Variants in CIAO2A observed in about 807,000 individuals in gnomAD.
CIAO2A encodes MIP18 family protein FAM96A.
CIAO2A carries 17 observed loss-of-function variants against 22.4 expected under a neutral mutation model. The ratio of observed to expected loss-of-function variants is 0.76; its 90% confidence interval spans 0.52 to 1.14. CIAO2A has a LOEUF of 1.14. Among genes scored for constraint, CIAO2A ranks in the 50% most tolerant of loss-of-function variants. CIAO2A has a pLI of 0.00. For missense variants in CIAO2A, 192 were observed against 191.4 expected, an observed-to-expected ratio of 1.00 and a Z score of -0.02; for synonymous variants, 74 against 72.3, an observed-to-expected ratio of 1.02 and a Z score of -0.12.
intron 1 of CIAO2A, among the ~76,000 whole-genome samples, chr15:64,093,408 T>C (rs927453675): frequency 2.0e-5 from 3 of 152,018 alleles, no homozygotes; most frequent in Non-Finnish European, 2.9e-5. Flanking sequence ...TGGGTTCGGC[T>C]TGCCCCAGGT....
intron 4 of CIAO2A, among the ~76,000 whole-genome samples, chr15:64,073,552 C>T (rs977376077): frequency 6.6e-6 from 1 of 152,148 alleles, no homozygotes; most frequent in African/African-American, 2.4e-5. Flanking sequence ...ATATTGTCAA[C>T]ACCAATACAT....
chr15:64,079,459 G>C (rs1046216382), intron 3 of CIAO2A, among the ~76,000 whole-genome samples: 1 of 152,204 alleles, frequency 6.6e-6, no homozygotes, highest in African/African-American at 2.4e-5. Context: ...CTCGGAGATA[G>C]AGGCTGCAGT....
chr15:64,081,534 C>CTTT lies in CIAO2A; in HGVS notation c.290-384_290-383insAAA, dbSNP rs1567306106. 7.4e-4 allele frequency among the ~76,000 whole-genome samples: 18 copies of CTTT among 24,394 alleles called. 1 individual carries two copies. Among genetic ancestry groups the CTTT allele is most frequent in the Non-Finnish European group, 1.9e-3 (14 of 7,566 alleles). 16.0% of individuals were successfully genotyped at this position (24,394 alleles called of 152,430 possible). A position where few individuals can be genotyped will look rare whatever the true frequency, so the allele number is the denominator to read the frequency against. ...AGCAAAAGTCAATTAACTCATTAAG[C>CTTT]CTTTTTTTTTTTTTTTTTTTTGAGA... is the stretch of plus-strand genomic sequence containing the variant. On this transcript the variant is annotated intron_variant, in intron 2 of 4. Transcript: ENST00000300030.
intron 1 of CIAO2A, among the ~76,000 whole-genome samples, chr15:64,089,068 A>G (rs1456672884): frequency 1.3e-5 from 2 of 152,198 alleles, no homozygotes; most frequent in Non-Finnish European, 2.9e-5. Context: ...CTCCAATCGG[A>G]CATTGCAGAG....
At chr15:64,081,561 G>A (rs1329428892) in intron 2 of CIAO2A, among the ~76,000 whole-genome samples, 9 of 141,866 alleles carry the variant, frequency 6.3e-5, no homozygotes, top group African/African-American at 1.6e-4. Context: ...TTTTTGAGAC[G>A]GAGTCTTGAA....
intron 3 of CIAO2A, among the ~76,000 whole-genome samples, chr15:64,077,794 CAGG>C: frequency 6.6e-6 from 1 of 152,204 alleles, no homozygotes; most frequent in East Asian, 1.9e-4. Flanking sequence ...GGAGCAGAGC[CAGG>C]AGGAGGGACC....
intron 2 of CIAO2A, among the ~76,000 whole-genome samples, chr15:64,084,134 C>G (rs953004903): frequency 3.3e-5 from 5 of 152,078 alleles, no homozygotes; most frequent in Non-Finnish European, 7.4e-5. Flanking sequence ...TATTTGTCCA[C>G]GTACACATTT....
chr15:64,087,266 T>C (rs1195014158), intron 2 of CIAO2A, among the ~76,000 whole-genome samples: 3 of 151,918 alleles, frequency 2.0e-5, no homozygotes, highest in African/African-American at 7.2e-5. Flanking sequence ...TAATTTTTTA[T>C]AGTTTTAGTA....
chr15:64,092,343 A>G (rs1327121417), intron 1 of CIAO2A, among the ~76,000 whole-genome samples: 1 of 152,060 alleles, frequency 6.6e-6, no homozygotes, highest in Non-Finnish European at 1.5e-5. Context: ...CTACATATCT[A>G]GATCCTAATT....
intron 2 of CIAO2A, among the ~76,000 whole-genome samples, chr15:64,085,138 G>A (rs951729254): frequency 5.3e-5 from 8 of 152,096 alleles, no homozygotes; most frequent in Non-Finnish European, 1.2e-4. Context: ...GCTCATCACA[G>A]TATTATTTAT....
At chr15:64,091,391 A>G (rs948613269) in intron 1 of CIAO2A, among the ~76,000 whole-genome samples, 10 of 151,270 alleles carry the variant, frequency 6.6e-5, no homozygotes, top group Admixed American at 6.6e-4. Context: ...AGGCTGAGGT[A>G]GGAGAATCAC....
At chr15:64,084,045 G>T (rs558301213) in intron 2 of CIAO2A, among the ~76,000 whole-genome samples, 1 of 152,272 alleles carries the variant, frequency 6.6e-6, no homozygotes, top group Admixed American at 6.5e-5. Flanking sequence ...TCTACAGGAA[G>T]TGTACAGATC....
chr15:64,090,339 G>T (rs559050388), intron 1 of CIAO2A: 1 of 153,856 alleles, frequency 6.5e-6, no homozygotes, highest in African/African-American at 2.4e-5. Flanking sequence ...CAAAAACTCC[G>T]TCTCAAAAAC....
In CIAO2A at chr15:64,093,749, A is replaced by C. The variant is rs1348967480; in HGVS notation, c.20T>G (p.Leu7Arg). 6.2e-7 allele frequency: 1 copy of C among 1,612,232 alleles called. No individual in the cohort carries two copies. Among genetic ancestry groups the C allele is most frequent in the Admixed American group, 1.7e-5 (1 of 59,960 alleles). MQRVSGLLSWTLSRVLW... is the reference protein window; with the variant it reads MQRVSGRLSWTLSRVLW... ...GACTCTGCTCAGCGTCCAGGAGAGC[A>C]GCCCGGACACCCGCTGCATCTTCAC... The change falls in exon 1 of 5, where the codon CTG becomes CGG. Residue 7 changes from leucine (L) to arginine (R), a missense_variant. Leu to Arg is a moderately radical substitution (Grantham distance 102). Transcript: ENST00000300030.
At chr15:64,085,778 C>T (rs1045767244) in intron 2 of CIAO2A, among the ~76,000 whole-genome samples, 4 of 151,756 alleles carry the variant, frequency 2.6e-5, no homozygotes, top group Admixed American at 6.6e-5. Flanking sequence ...GCGTGACCTT[C>T]GCTCACTGCA....
intron 2 of CIAO2A, among the ~76,000 whole-genome samples, chr15:64,085,409 G>A (rs1427064362): frequency 1.3e-5 from 2 of 151,988 alleles, no homozygotes; most frequent in Admixed American, 1.3e-4. Context: ...GAGGTGGGAG[G>A]ATCACTTGAG....
intron 1 of CIAO2A, among the ~76,000 whole-genome samples, chr15:64,092,072 A>G (rs2080843858): frequency 1.3e-5 from 2 of 151,754 alleles, no homozygotes; most frequent in African/African-American, 4.8e-5. Context: ...TCAAAAAAAA[A>G]AAAAAAAAAA....
At chr15:64,090,340 T>C (rs532861258) in intron 1 of CIAO2A, 1 of 154,028 alleles carries the variant, frequency 6.5e-6, no homozygotes, top group African/African-American at 2.4e-5. Context: ...AAAAACTCCG[T>C]CTCAAAAACA....
In CIAO2A at chr15:64,088,782, C is replaced by T; in HGVS notation, c.194G>A (p.Ser65Asn). 1 of 1,614,120 alleles carries T rather than the reference C, an allele frequency of 6.2e-7. No homozygotes were observed. The highest frequency in any genetic ancestry group is 8.5e-7 in the Non-Finnish European group (1 of 1,180,006). The change falls in exon 2 of 5, where the codon AGT becomes AAT. Residue 65 changes from serine (S) to asparagine (N), a missense_variant. Ser to Asn is a conservative substitution (Grantham distance 46). Transcript: ENST00000300030. ...ATTTATCTCCTGAACTTCCACACAA[C>T]TTTCCGAGACCACTTCCAGTTCTTC... is the stretch of plus-strand genomic sequence containing the variant. Reference protein sequence around the residue: ...TLEELEVVSESCVEVQEINEE... With the variant: ...TLEELEVVSENCVEVQEINEE...
Sources: gnomAD v4.1 joint callset for allele counts (sites outside exome capture counted in the v4.1 genomes callset) on GRCh38, gnomAD v4.1.1 for gene constraint, MANE v1.5 for transcripts, NCBI Gene and HGNC (gene_info 2026-07-23, HGNC 2026-07-21) for gene names.